The following MKI67 variants were observed in gnomAD, a reference collection of about 807,000 sequenced individuals.
MKI67 encodes marker of proliferation Ki-67, also known as proliferation marker protein Ki-67.
MKI67 carries 152 observed loss-of-function variants against 233.5 expected under a neutral mutation model. That is an observed-to-expected ratio of 0.65 (90% confidence interval 0.57 to 0.74). The LOEUF (loss-of-function observed/expected upper bound fraction) is 0.74, where lower values mean the gene tolerates loss of function less well. MKI67 is among the 30% of genes least tolerant of loss of function. MKI67 has a pLI of 0.00. For synonymous variants in MKI67, 1,465 were observed against 1,418.5 expected, an observed-to-expected ratio of 1.03 and a Z score of -0.74; for missense variants, 3,940 against 3,885.2, an observed-to-expected ratio of 1.01 and a Z score of -0.37.
chr10:128,121,219 C>A (rs1161577878), intron 4 of MKI67, among the ~76,000 whole-genome samples: 1 of 151,286 alleles, frequency 6.6e-6, no homozygotes. Context: ...GAGATAAAAA[C>A]AAATCAATCA....
Position 128,107,384 on chromosome 10 carries a change from G to C in MKI67, c.4456C>G (p.His1486Asp). ...TPVCTDKPTT[H>D]EKTTKIACRS... ...CAGGCTATTTTGGTAGTTTTCTCGT[G>C]AGTCGTGGGCTTGTCAGTGCATACT... is the stretch of plus-strand genomic sequence containing the variant. The change falls in exon 13 of 15, where the codon CAC becomes GAC. Residue 1486 changes from histidine (H) to aspartate (D), a missense_variant. Coordinates refer to ENST00000368654, the MANE Select transcript of MKI67 (RefSeq NM_002417.5). 6.2e-7 allele frequency: 1 copy of C among 1,611,556 alleles called. No homozygotes were observed. The highest frequency in any genetic ancestry group is 2.2e-5 in the East Asian group (1 of 44,618).
chr10:128,112,281 G>A lies in MKI67; in HGVS notation c.1821C>T (p.Ser607=). The change falls in exon 9 of 15, where the codon AGC becomes AGT. Residue 607 remains serine (S), a synonymous_variant. Coordinates refer to ENST00000368654, the MANE Select transcript of MKI67 (RefSeq NM_002417.5). The stretch of plus-strand genomic sequence containing the variant: ...TCTTAGGAACCTCTGTCTGAGATTT[G>A]CTGCTGGAAGCAGGGGCTGTTTTGC... The part of the protein sequence containing the change: ...RSCKTAPASS[S]KSQTEVPKRG... 6.2e-7 allele frequency: 1 copy of A among 1,614,200 alleles called. No individual in the cohort carries two copies. The highest frequency in any genetic ancestry group is 8.5e-7 in the Non-Finnish European group (1 of 1,180,034).
chr10:128,111,774 C>T lies in MKI67; in HGVS notation c.2131G>A (p.Ala711Thr), dbSNP rs766987700. 1.3e-5 allele frequency: 21 copies of T among 1,613,864 alleles called. No individual in the cohort carries two copies. Among genetic ancestry groups the T allele is most frequent in the Admixed American group, 1.7e-5 (1 of 59,942 alleles). Residue 711 changes from alanine (A) to threonine (T), a missense_variant, in exon 11 of 15, where the codon GCA (alanine) becomes ACA (threonine). Ala to Thr is a moderately conservative substitution (Grantham distance 58). Transcript: ENST00000368654. The stretch of plus-strand genomic sequence containing the variant: ...ATTATTATGGTACAAGGAGAGTTTG[C>T]GTGGCCTGTACTAAATTGACTGTGA... Reference protein sequence around the residue: ...EVHSQFSTGHANSPCTIIIGK... With the variant: ...EVHSQFSTGHTNSPCTIIIGK...
At chr10:128,122,277 C>T (rs1852964620) in intron 4 of MKI67, among the ~76,000 whole-genome samples, 1 of 152,086 alleles carries the variant, frequency 6.6e-6, no homozygotes, top group East Asian at 1.9e-4. Context: ...TTCTTGCTGC[C>T]TCTTCTCATG....
rs758253663 is a variant in MKI67, at chr10:128,104,583, G to A, written c.7257C>T (p.Gly2419=). 3.7e-6 allele frequency: 6 copies of A among 1,613,936 alleles called. No homozygotes were observed. The highest frequency in any genetic ancestry group is 5.1e-6 in the Non-Finnish European group (6 of 1,180,012). Residue 2419 remains glycine, a synonymous_variant, in exon 13 of 15, where the codon GGC becomes GGT. Coordinates refer to ENST00000368654, the MANE Select transcript of MKI67 (RefSeq NM_002417.5). ...QKLDLLGNLP[G]SKRQPQTPKE... ...TAGGAGTCTGTGGCTGTCTCTTGCT[G>A]CCAGGTAAATTTCCTAGCAGGTCCA...
rs1272116334 is a variant in MKI67, at chr10:128,097,563, A to G, written c.*1627T>C. On this transcript the variant is annotated 3_prime_UTR_variant, in exon 15 of 15. Transcript: ENST00000368654. ...GAAATTTTTCTATGTGAGGTTCATA[A>G]TTACTACTAAGTCTAAAGTGTTAGA... The G allele has an allele frequency of 6.6e-6, 1 of 152,176 alleles. No individual in the cohort carries two copies. The highest frequency in any genetic ancestry group is 1.5e-5 in the Non-Finnish European group (1 of 68,028). 9.4% of individuals were successfully genotyped at this position (152,176 alleles called of 1,614,324 possible).
Position 128,125,034 on chromosome 10 carries a change from G to A in MKI67, c.92+542C>T, listed in dbSNP as rs888027409. 6.6e-6 allele frequency among the ~76,000 whole-genome samples: 1 copy of A among 152,306 alleles called. No individual in the cohort carries two copies. The highest frequency in any genetic ancestry group is 1.5e-5 in the Non-Finnish European group (1 of 68,036). ...TCTAGTGGGACACATGTCAGAGGCT[G>A]ATGGGGCACTGTCAGCAACTATACC... On this transcript the variant is annotated intron_variant, in intron 2 of 14. Coordinates refer to ENST00000368654, the MANE Select transcript of MKI67 (RefSeq NM_002417.5). The surrounding 1 kb of genome is among the most constrained non-coding windows in gnomAD (Gnocchi z 5.3).
chr10:128,101,679 C>T lies in MKI67; in HGVS notation c.9284G>A (p.Arg3095His), dbSNP rs185424287. The T allele has an allele frequency of 8.1e-6, 13 of 1,602,346 alleles. No homozygotes were observed. In the East Asian group the frequency reaches 8.9e-5, roughly 11 times the overall value. The change falls in exon 14 of 15, where the codon CGC (arginine) becomes CAC (histidine). Residue 3095 changes from arginine to histidine, a missense_variant. Coordinates refer to ENST00000368654, the MANE Select transcript of MKI67 (RefSeq NM_002417.5). Reference sequence around the variant, plus strand: ...CTGTTCTGCCTCAGTCTTATTTTGGCGTCTGGAGCGCAGGGATATTCCCTA... The same window carrying T: ...CTGTTCTGCCTCAGTCTTATTTTGGTGTCTGGAGCGCAGGGATATTCCCTA... ...ENKGISLRSR[R>H]QNKTEAEQQI...
Position 128,115,131 on chromosome 10 carries a change from A to G in MKI67, c.1277T>C (p.Ile426Thr). 1.9e-6 allele frequency: 3 copies of G among 1,614,220 alleles called. No homozygotes were observed. Among genetic ancestry groups the G allele is most frequent in the Non-Finnish European group, 2.5e-6 (3 of 1,180,036 alleles). Residue 426 changes from isoleucine (I) to threonine (T), a missense_variant, in exon 7 of 15, where the codon ATT becomes ACT. Physicochemically the swap from Ile to Thr is moderately conservative, Grantham distance 89. Coordinates refer to ENST00000368654, the MANE Select transcript of MKI67 (RefSeq NM_002417.5). ...AGGCAGAACTTCCACATCTGTAGGA[A>G]TACTTCCTCTGGTTTTGGAAGAGAG... is the stretch of plus-strand genomic sequence containing the variant. Reference protein sequence around the residue: ...ENLSSKTRGSIPTDVEVLPTE... With the variant: ...ENLSSKTRGSTPTDVEVLPTE...
At chr10:128,117,823 C>T (rs542741308) in intron 5 of MKI67, among the ~76,000 whole-genome samples, 122 of 152,212 alleles carry the variant, frequency 8.0e-4, no homozygotes, top group African/African-American at 2.7e-3. Flanking sequence ...ATTCAATAGC[C>T]ACAAAATTGC....
rs1852330589 is a variant in MKI67, at chr10:128,101,404, T to C, written c.9559A>G (p.Lys3187Glu). ...KSAKVLMQNQ[K>E]GKGEAGNSDS... ...GAATTTCCTGCTTCTCCTTTCCCTT[T>C]CTGATTCTGCATGAGAACCTTCGCA... The change falls in exon 14 of 15, where the codon AAA (lysine) becomes GAA (glutamate). Residue 3187 changes from lysine to glutamate, a missense_variant. Lys to Glu is a moderately conservative substitution (Grantham distance 56). Coordinates refer to ENST00000368654, the MANE Select transcript of MKI67 (RefSeq NM_002417.5). 2 of 1,614,194 alleles carry C rather than the reference T, an allele frequency of 1.2e-6. No homozygotes were observed. The highest frequency in any genetic ancestry group is 1.7e-5 in the Admixed American group (1 of 60,012).
chr10:128,116,211 A>T (rs984044603), intron 6 of MKI67, among the ~76,000 whole-genome samples: 2 of 152,226 alleles, frequency 1.3e-5, no homozygotes, highest in African/African-American at 4.8e-5. Context: ...AGCTCCAATA[A>T]CCAGTATGAA....
chr10:128,115,171 T>G lies in MKI67; in HGVS notation c.1237A>C (p.Thr413Pro). ...AKVEDAADSATKPENLSSKTR... is the reference protein window; with the variant it reads ...AKVEDAADSAPKPENLSSKTR... ...TTGGAAGAGAGATTTTCTGGCTTAGTGGCAGAGTCAGCTGCATCTTCAACT... is the reference window on the plus strand; with the variant it reads ...TTGGAAGAGAGATTTTCTGGCTTAGGGGCAGAGTCAGCTGCATCTTCAACT... Residue 413 changes from threonine (T) to proline (P), a missense_variant, in exon 7 of 15, where the codon ACT becomes CCT. Thr to Pro is a conservative substitution (Grantham distance 38). Transcript: ENST00000368654. The G allele has an allele frequency of 6.2e-7, 1 of 1,614,266 alleles. No individual in the cohort carries two copies. The highest frequency in any genetic ancestry group is 1.6e-4 in the Middle Eastern group (1 of 6,062).
In MKI67 at chr10:128,103,994, GCTC is replaced by G; in HGVS notation, c.7843_7845del (p.Glu2615del). On this transcript the variant is annotated inframe_deletion, in exon 13 of 15. Coordinates refer to ENST00000368654, the MANE Select transcript of MKI67 (RefSeq NM_002417.5). ...TGCGTGAGCCTCTCAACTGCTGAGA[GCTC>G]CTCTTTTACTTCTTTCCTGGGACGT... 1.9e-6 allele frequency: 3 copies of G among 1,614,054 alleles called. No individual in the cohort carries two copies. The highest frequency in any genetic ancestry group is 2.5e-6 in the Non-Finnish European group (3 of 1,180,024).
At position 128,103,546 on chromosome 10, in the gene MKI67, G is replaced by A; in HGVS notation, c.8294C>T (p.Ala2765Val). ...EPAGEDKGIKALKESAKQTPA... is the reference protein window; with the variant it reads ...EPAGEDKGIKVLKESAKQTPA... Reference sequence around the variant, plus strand: ...TGTCTGTTTTGCAGATTCCTTCAATGCTTTGATGCCTTTATCTTCACCTGC... The same window carrying A: ...TGTCTGTTTTGCAGATTCCTTCAATACTTTGATGCCTTTATCTTCACCTGC... Residue 2765 changes from alanine to valine, a missense_variant, in exon 13 of 15, where the codon GCA becomes GTA. Physicochemically the swap from Ala to Val is moderately conservative, Grantham distance 64. Transcript: ENST00000368654. 1 of 1,613,604 alleles carries A rather than the reference G, an allele frequency of 6.2e-7. No homozygotes were observed. The highest frequency in any genetic ancestry group is 1.1e-5 in the South Asian group (1 of 91,058).
chr10:128,115,973 T>C lies in MKI67; in HGVS notation c.435A>G (p.Lys145=), dbSNP rs1217475096. 1 of 1,606,538 alleles carries C rather than the reference T, an allele frequency of 6.2e-7. No homozygotes were observed. The highest frequency in any genetic ancestry group is 2.2e-5 in the East Asian group (1 of 44,862). ...EKAQDSKAYS[K]ITEGKVSGNP... ...TTCCTGAAACTTTTCCTTCAGTGAT[T>C]TTTGAATAGGCCTTGGAATCTTGAG... The change falls in exon 7 of 15, where the codon AAA becomes AAG. Residue 145 remains lysine, a synonymous_variant. Coordinates refer to ENST00000368654, the MANE Select transcript of MKI67 (RefSeq NM_002417.5).
Position 128,103,226 on chromosome 10 carries a change from C to G in MKI67, c.8614G>C (p.Asp2872His), listed in dbSNP as rs750475353. ...TTGCCCTCACCTACCGGCTCTTTGT[C>G]GGTGTGCGTGGTCTCCCCTGAGGTT... ...TQTSGETTHT[D>H]KEPVGEGKGT... Residue 2872 changes from aspartate (D) to histidine (H), a missense_variant, in exon 13 of 15, where the codon GAC (aspartate) becomes CAC (histidine). Coordinates refer to ENST00000368654, the MANE Select transcript of MKI67 (RefSeq NM_002417.5). 6.2e-7 allele frequency: 1 copy of G among 1,614,040 alleles called. No homozygotes were observed. The highest frequency in any genetic ancestry group is 2.2e-5 in the East Asian group (1 of 44,856).
chr10:128,116,556 G>A lies in MKI67; in HGVS notation c.355-20C>T, dbSNP rs757066116. On this transcript the variant is annotated intron_variant, in intron 5 of 14. Coordinates refer to ENST00000368654, the MANE Select transcript of MKI67 (RefSeq NM_002417.5). ...TGGCTCCTGTAAGTTGGGAAAATAA[G>A]AACAGTTATTTGCAGGTCTTTCTAA... The A allele has an allele frequency of 6.2e-7, 1 of 1,605,932 alleles. No individual in the cohort carries two copies. The highest frequency in any genetic ancestry group is 1.1e-5 in the South Asian group (1 of 90,882).
At chr10:128,121,475 ATAT>A (rs1402725774) in intron 4 of MKI67, among the ~76,000 whole-genome samples, 7 of 137,228 alleles carry the variant, frequency 5.1e-5, no homozygotes, top group African/African-American at 8.1e-5. Flanking sequence ...TATATAATAT[ATAT>A]TATTATATTA....
Sources: gnomAD v4.1 joint callset for allele counts (sites outside exome capture counted in the v4.1 genomes callset) on GRCh38, gnomAD v4.1.1 for gene constraint, Gnocchi (gnomAD v3.1) non-coding constraint, MANE v1.5 for transcripts, NCBI Gene and HGNC (gene_info 2026-07-23, HGNC 2026-07-21) for gene names.